The following SQOR variants were observed in gnomAD, a reference collection of about 807,000 sequenced individuals.
The protein encoded by SQOR is sulfide quinone oxidoreductase, also known as sulfide:quinone oxidoreductase, mitochondrial.
In SQOR, 39 loss-of-function variants were observed where a neutral mutation model predicts 48.6. That is an observed-to-expected ratio of 0.80 (90% confidence interval 0.62 to 1.05). The LOEUF is 1.05. Among genes scored for constraint, SQOR ranks in the 50% least tolerant of loss-of-function variants. The pLI, the probability that SQOR is intolerant of heterozygous loss-of-function variation, is 0.00. For synonymous variants in SQOR, 220 were observed against 206.2 expected, an observed-to-expected ratio of 1.07 and a Z score of -0.57; for missense variants, 561 against 559.9, an observed-to-expected ratio of 1.00 and a Z score of -0.02.
chr15:45,665,118 A>C (rs1889790999), intron 3 of SQOR, among the ~76,000 whole-genome samples: 1 of 152,148 alleles, frequency 6.6e-6, no homozygotes, highest in African/African-American at 2.4e-5. Context: ...GGTTGGGTTC[A>C]TGCTCATCTC....
intron 7 of SQOR, among the ~76,000 whole-genome samples, chr15:45,683,420 G>A (rs1268826402): frequency 1.3e-5 from 2 of 152,204 alleles, no homozygotes; most frequent in Non-Finnish European, 2.9e-5. Context: ...TGCCCTGAGT[G>A]GTACACGATT....
chr15:45,652,245 T>C (rs549893016), intron 1 of SQOR, among the ~76,000 whole-genome samples: 59 of 152,326 alleles, frequency 3.9e-4, no homozygotes, highest in Admixed American at 6.5e-4. Flanking sequence ...AGAAATCATA[T>C]CAGATTTATG....
chr15:45,691,004 A>C lies in SQOR; in HGVS notation c.1327A>C (p.Lys443Gln). 6.2e-7 allele frequency: 1 copy of C among 1,614,068 alleles called. No individual in the cohort carries two copies. The highest frequency in any genetic ancestry group is 8.5e-7 in the Non-Finnish European group (1 of 1,180,010). ...CTGGGGAGGACCAGCGTTTCTGCGCAAGTTGTTTCATCTAGGTATGAGTTA... is the reference window on the plus strand; with the variant it reads ...CTGGGGAGGACCAGCGTTTCTGCGCCAGTTGTTTCATCTAGGTATGAGTTA... The part of the protein sequence containing the change: ...GYWGGPAFLR[K>Q]LFHLGMS The change falls in exon 10 of 10, where the codon AAG becomes CAG. Residue 443 changes from lysine to glutamine, a missense_variant. Coordinates refer to ENST00000260324, the MANE Select transcript of SQOR (RefSeq NM_021199.4).
chr15:45,656,297 A>G (rs1048380439), intron 1 of SQOR, among the ~76,000 whole-genome samples: 2 of 152,088 alleles, frequency 1.3e-5, no homozygotes, highest in African/African-American at 4.8e-5. Context: ...TTTTATTAAT[A>G]TTAATTTTAT....
chr15:45,667,239 A>G (rs1272153352), intron 3 of SQOR, among the ~76,000 whole-genome samples: 1 of 146,882 alleles, frequency 6.8e-6, no homozygotes, highest in Non-Finnish European at 1.5e-5. Context: ...TGGGCTCAAG[A>G]GTTCTGAGCC....
At chr15:45,650,550 A>C (rs1372223684) in intron 1 of SQOR, among the ~76,000 whole-genome samples, 1 of 150,184 alleles carries the variant, frequency 6.7e-6, no homozygotes, top group Non-Finnish European at 1.5e-5. Flanking sequence ...AAGCATCCAC[A>C]ACACGAAAGA....
intron 1 of SQOR, among the ~76,000 whole-genome samples, chr15:45,652,629 G>A (rs954264485): frequency 1.2e-4 from 17 of 145,802 alleles, no homozygotes; most frequent in African/African-American, 2.6e-4. Context: ...TATTACAGGC[G>A]TGAGCCTCCT....
chr15:45,650,566 A>G (rs923622251), intron 1 of SQOR, among the ~76,000 whole-genome samples: 3 of 152,230 alleles, frequency 2.0e-5, no homozygotes, highest in Non-Finnish European at 4.4e-5. Context: ...AAAGAGGACC[A>G]GAAAGGACTG....
intron 6 of SQOR, among the ~76,000 whole-genome samples, chr15:45,676,766 C>G (rs1010390829): frequency 6.6e-6 from 1 of 152,132 alleles, no homozygotes; most frequent in Non-Finnish European, 1.5e-5. Context: ...ATTGGCTGGG[C>G]ATGGTGGCTC....
In SQOR at chr15:45,680,442, T is replaced by C. The variant is rs752564177; in HGVS notation, c.865-2036T>C. Reference sequence around the variant, plus strand: ...TTTTTTTCTTTTGGAGGCAGGATCTTGCTCTGTCACCCAGGCTGGAGTGCA... The same window carrying C: ...TTTTTTTCTTTTGGAGGCAGGATCTCGCTCTGTCACCCAGGCTGGAGTGCA... On this transcript the variant is annotated intron_variant, in intron 6 of 9. Transcript: ENST00000260324. Among the ~76,000 whole-genome samples, 5 of 151,500 alleles carry C rather than the reference T, an allele frequency of 3.3e-5. No individual in the cohort carries two copies. The South Asian group carries it at 8.4e-4, about 25-fold the overall frequency.
At chr15:45,631,625 A>T (rs1894900847), upstream of SQOR, 1 of 152,132 alleles carries the variant, frequency 6.6e-6, no homozygotes, top group African/African-American at 2.4e-5. Context: ...CTTCCTCCTG[A>T]GCCTTCCCTT....
At chr15:45,659,203 TGTGTGTGA>T in intron 2 of SQOR, 46 bp downstream of exon 2, 9 of 1,372,006 alleles carry the variant, frequency 6.6e-6, no homozygotes, top group Non-Finnish European at 7.8e-6. Context: ...TACGTGTGTG[TGTGTGTGA>T]GTGTGTGTGT....
chr15:45,657,845 A>G (rs1382769258), intron 1 of SQOR, among the ~76,000 whole-genome samples: 2 of 152,136 alleles, frequency 1.3e-5, no homozygotes, highest in Admixed American at 6.6e-5. Context: ...CATTTTAATA[A>G]AGGGTTCTTG....
intron 2 of SQOR, among the ~76,000 whole-genome samples, chr15:45,660,630 A>G (rs112311935): frequency 1.5e-3 from 221 of 152,306 alleles, no homozygotes; most frequent in African/African-American, 5.2e-3. Context: ...GCTGAGTCTG[A>G]TTTAGTGATA....
chr15:45,637,255 A>G (rs1329344142), intron 1 of SQOR, among the ~76,000 whole-genome samples: 1 of 152,072 alleles, frequency 6.6e-6, no homozygotes, highest in African/African-American at 2.4e-5. Flanking sequence ...CAAAGCAACC[A>G]CCACACCCAG....
At chr15:45,680,824 A>G (rs1890113796) in intron 6 of SQOR, among the ~76,000 whole-genome samples, 1 of 152,168 alleles carries the variant, frequency 6.6e-6, no homozygotes, top group African/African-American at 2.4e-5. Context: ...TTTCTTTTAG[A>G]AAAGAGTTGT....
At chr15:45,681,539 G>A (rs1353134093) in intron 6 of SQOR, among the ~76,000 whole-genome samples, 1 of 152,144 alleles carries the variant, frequency 6.6e-6, no homozygotes, top group East Asian at 1.9e-4. Flanking sequence ...ACTTCTTGTG[G>A]AAATGAAGGG....
Position 45,673,737 on chromosome 15 carries a change from C to T in SQOR, c.590C>T (p.Thr197Ile), listed in dbSNP as rs1595506109. The T allele has an allele frequency of 6.2e-7, 1 of 1,614,188 alleles. No homozygotes were observed. Among genetic ancestry groups the T allele is most frequent in the East Asian group, 2.2e-5 (1 of 44,878 alleles). ...AATGCCATCTTCACCTTCCCAAATA[C>T]TCCAGTGAAGTGTGCTGGAGCCCCT... ...EGNAIFTFPN[T>I]PVKCAGAPQK... Residue 197 changes from threonine (T) to isoleucine (I), a missense_variant, in exon 5 of 10, where the codon ACT (threonine) becomes ATT (isoleucine). Thr to Ile is a moderately conservative substitution (Grantham distance 89). Transcript: ENST00000260324.
chr15:45,658,450 G>A (rs536742669), intron 1 of SQOR, among the ~76,000 whole-genome samples: 2 of 152,322 alleles, frequency 1.3e-5, no homozygotes, highest in African/African-American at 4.8e-5. Context: ...GCCTTTTACT[G>A]CAAGGAATGT....
Sources: allele counts gnomAD v4.1 joint callset (sites outside exome capture counted in the v4.1 genomes callset), GRCh38; gene constraint gnomAD v4.1.1; transcripts MANE v1.5; gene names NCBI Gene and HGNC (gene_info 2026-07-23, HGNC 2026-07-21).